The following NCOA2 variants were observed in gnomAD, a reference collection of about 807,000 sequenced individuals.
The protein encoded by NCOA2 is nuclear receptor coactivator 2.
Under a neutral mutation model 145.1 loss-of-function variants are expected in NCOA2, and 21 were observed. That is an observed-to-expected ratio of 0.14 (90% confidence interval 0.10 to 0.21). The LOEUF (loss-of-function observed/expected upper bound fraction) is 0.21. NCOA2 is among the 10% of genes least tolerant of loss of function. The pLI is 1.00. For synonymous variants in NCOA2, 619 were observed against 637.5 expected (o/e 0.97, Z 0.44); for missense variants, 1,472 against 1,837.6 (o/e 0.80, Z 3.64).
chr8:70,157,783 C>T (rs1301369712), intron 10 of NCOA2, among the ~76,000 whole-genome samples: 1 of 152,176 alleles, frequency 6.6e-6, no homozygotes, highest in Non-Finnish European at 1.5e-5. Context: ...GTTACTAAAA[C>T]TGTTTAGAAT....
chr8:70,146,897 G>A (rs1563521669), intron 12 of NCOA2, among the ~76,000 whole-genome samples: 1 of 151,386 alleles, frequency 6.6e-6, no homozygotes, highest in East Asian at 2.0e-4. Flanking sequence ...CACCATGTTG[G>A]CCAGGCTGGT....
Position 70,164,149 on chromosome 8 carries a change from C to T in NCOA2, c.731-583G>A, listed in dbSNP as rs531825865. ...CTCCCACAATACCTAGAAAATGCAG[C>T]GTGCACCAGAACAGCTGCATTATAG... On this transcript the variant is annotated intron_variant, in intron 7 of 22. Transcript: ENST00000452400. Among the ~76,000 whole-genome samples the T allele has an allele frequency of 8.6e-4, 131 of 152,298 alleles. 1 individual carries two copies. Among genetic ancestry groups the T allele is most frequent in the African/African-American group, 3.1e-3 (127 of 41,578 alleles).
intron 22 of NCOA2, among the ~76,000 whole-genome samples, chr8:70,115,275 C>T (rs1316214043): frequency 6.6e-6 from 1 of 152,078 alleles, no homozygotes; most frequent in African/African-American, 2.4e-5. Context: ...CTCAGCCTCC[C>T]GGAGAAGTAT....
At chr8:70,378,340 A>C (rs1264978517) in intron 1 of NCOA2, among the ~76,000 whole-genome samples, 5 of 152,142 alleles carry the variant, frequency 3.3e-5, no homozygotes, top group Non-Finnish European at 1.5e-5. Context: ...ACTACAAAAA[A>C]TATTTTTGAA....
At chr8:70,383,912 T>C (rs1027587281) in intron 1 of NCOA2, among the ~76,000 whole-genome samples, 2 of 152,218 alleles carry the variant, frequency 1.3e-5, no homozygotes, top group African/African-American at 4.8e-5. Context: ...TCTTCTCTGG[T>C]AACTGTATCT....
intron 2 of NCOA2, among the ~76,000 whole-genome samples, chr8:70,225,626 G>C (rs1377398817): frequency 6.6e-6 from 1 of 152,028 alleles, no homozygotes; most frequent in African/African-American, 2.4e-5. Context: ...AAGATTAAGA[G>C]AGTATAATGT....
chr8:70,357,996 A>T (rs1038592387), intron 1 of NCOA2, among the ~76,000 whole-genome samples: 5 of 152,158 alleles, frequency 3.3e-5, no homozygotes, highest in Admixed American at 1.3e-4. Context: ...GGATGCAGTG[A>T]GCCGAGATCA....
intron 1 of NCOA2, among the ~76,000 whole-genome samples, chr8:70,377,580 A>G (rs891735432): frequency 1.3e-5 from 2 of 152,122 alleles, no homozygotes; most frequent in African/African-American, 4.8e-5. Context: ...ATTTGAAATC[A>G]CATTTTTCAA....
At chr8:70,406,597 G>A (rs1814785693), upstream of NCOA2, among the ~76,000 whole-genome samples, 4 of 152,160 alleles carry the variant, frequency 2.6e-5, no homozygotes, top group Non-Finnish European at 4.4e-5. Flanking sequence ...ACCGTGAATG[G>A]ATGAGGCAAG....
chr8:70,125,366 A>G lies in NCOA2; in HGVS notation c.3917-501T>C, dbSNP rs375685993. On this transcript the variant is annotated intron_variant, in intron 19 of 22. Coordinates refer to ENST00000452400, the MANE Select transcript of NCOA2 (RefSeq NM_006540.4). ...AGCCTTGACCTCCTGGGCGCAAAGGATCCTCTCACCTCAGCTTCCTGAGTA... is the reference window on the plus strand; with the variant it reads ...AGCCTTGACCTCCTGGGCGCAAAGGGTCCTCTCACCTCAGCTTCCTGAGTA... 2.6e-5 allele frequency among the ~76,000 whole-genome samples: 4 copies of G among 152,228 alleles called. No homozygotes were observed. The East Asian group carries it at 5.8e-4, about 22-fold the overall frequency.
chr8:70,212,066 CATATATATATATATATATATAT>C (rs36215324), intron 4 of NCOA2, among the ~76,000 whole-genome samples: 137 of 144,378 alleles, frequency 9.5e-4, no homozygotes, highest in African/African-American at 3.2e-3. Context: ...CTTTGTGGCG[CATATATATATATATATATATAT>C]ATATATATAT....
intron 18 of NCOA2, among the ~76,000 whole-genome samples, chr8:70,127,511 G>A (rs567673600): frequency 3.3e-5 from 5 of 152,274 alleles, no homozygotes; most frequent in South Asian, 2.1e-4. Context: ...AGGGGAGAGC[G>A]AGGAGAGTGC....
intron 1 of NCOA2, among the ~76,000 whole-genome samples, chr8:70,373,433 T>G (rs1237246471): frequency 1.3e-5 from 2 of 152,212 alleles, no homozygotes; most frequent in Non-Finnish European, 1.5e-5. Context: ...TTATAAGAGT[T>G]CTTTACATAT....
At chr8:70,297,613 G>A (rs1362436095) in intron 1 of NCOA2, among the ~76,000 whole-genome samples, 2 of 152,238 alleles carry the variant, frequency 1.3e-5, no homozygotes, top group Admixed American at 6.5e-5. Flanking sequence ...GATTACAGGT[G>A]TGAACCACCA....
intron 4 of NCOA2, among the ~76,000 whole-genome samples, chr8:70,192,570 A>G (rs1441628055): frequency 1.3e-5 from 2 of 152,218 alleles, no homozygotes; most frequent in Admixed American, 1.3e-4. Context: ...GAGGCCTGCA[A>G]AGGGAGGAGC....
At chr8:70,133,087 T>C (rs1377010123) in intron 15 of NCOA2, among the ~76,000 whole-genome samples, 1 of 151,886 alleles carries the variant, frequency 6.6e-6, no homozygotes, top group Non-Finnish European at 1.5e-5. Flanking sequence ...TGTGTGTGTG[T>C]GTGTGTATGT....
intron 1 of NCOA2, among the ~76,000 whole-genome samples, chr8:70,356,585 T>C (rs967083025): frequency 2.0e-5 from 3 of 152,204 alleles, no homozygotes; most frequent in Non-Finnish European, 2.9e-5. Context: ...TAAATAAATA[T>C]CCTTTTTCCT....
chr8:70,142,201 G>C (rs1402345169), intron 13 of NCOA2, among the ~76,000 whole-genome samples: 1 of 152,244 alleles, frequency 6.6e-6, no homozygotes, highest in Admixed American at 6.5e-5. Flanking sequence ...CTCTTCAAAT[G>C]AGGTCTCTTC....
chr8:70,141,647 T>C (rs983323522), intron 13 of NCOA2, among the ~76,000 whole-genome samples: 1 of 152,200 alleles, frequency 6.6e-6, no homozygotes, highest in African/African-American at 2.4e-5. Context: ...TTGTTCCCAT[T>C]TGTACTTAGA....
Sources: gnomAD v4.1 joint callset for allele counts (sites outside exome capture counted in the v4.1 genomes callset) on GRCh38, gnomAD v4.1.1 for gene constraint, MANE v1.5 for transcripts, NCBI Gene and HGNC (gene_info 2026-07-23, HGNC 2026-07-21) for gene names.